CA5A: variants seen among roughly 807,000 people sequenced by gnomAD.
The protein encoded by CA5A is carbonic anhydrase 5A, also known as carbonic anhydrase 5A, mitochondrial.
CA5A carries 28 observed loss-of-function variants against 37.1 expected under a neutral mutation model. The observed-to-expected ratio is 0.75, with a 90% CI of 0.56 to 1.03. The LOEUF (loss-of-function observed/expected upper bound fraction) is 1.03, where lower values mean the gene tolerates loss of function less well. CA5A is among the 50% of genes least tolerant of loss of function. The pLI is 0.00. For synonymous variants in CA5A, 171 were observed against 158.4 expected (o/e 1.08, Z -0.60); for missense variants, 444 against 399.9 (o/e 1.11, Z -0.94).
intron 5 of CA5A, among the ~76,000 whole-genome samples, chr16:87,892,738 A>G (rs1367886517): frequency 1.5e-5 from 2 of 135,008 alleles, no homozygotes; most frequent in Admixed American, 8.1e-5. Context: ...CAATGGTGTG[A>G]TCTTGGCTCA....
chr16:87,921,484 A>G (rs938968572), intron 2 of CA5A, among the ~76,000 whole-genome samples: 1 of 152,198 alleles, frequency 6.6e-6, no homozygotes, highest in African/African-American at 2.4e-5. Flanking sequence ...AATCTCTTTA[A>G]ATACGTCCTA....
chr16:87,904,818 G>A lies in CA5A; in HGVS notation c.427C>T (p.His143Tyr). Residue 143 changes from histidine to tyrosine, a missense_variant, in exon 3 of 7, where the codon CAC (histidine) becomes TAC (tyrosine). Transcript: ENST00000649794. ...GGGTACGCGTGGCCGTCCACTGTGT[G>A]CTCTGAGCCCCCCTCGTTCACTGCT... ...WGAVNEGGSE[H>Y]TVDGHAYPAE... 9 of 1,612,290 alleles carry A rather than the reference G, an allele frequency of 5.6e-6. No homozygotes were observed. The highest frequency in any genetic ancestry group is 7.6e-6 in the Non-Finnish European group (9 of 1,178,372).
chr16:87,934,781 G>A (rs2056449061), intron 1 of CA5A, among the ~76,000 whole-genome samples: 1 of 152,148 alleles, frequency 6.6e-6, no homozygotes, highest in Non-Finnish European at 1.5e-5. Context: ...CCAACATGGC[G>A]AAATCCTATC....
chr16:87,908,282 C>G (rs1351891842), intron 2 of CA5A, among the ~76,000 whole-genome samples: 1 of 152,192 alleles, frequency 6.6e-6, no homozygotes, highest in African/African-American at 2.4e-5. Flanking sequence ...CCTCTCTGAG[C>G]CTAAGCCTCT....
intron 2 of CA5A, chr16:87,923,676 GAATTT>G: frequency 1.0e-6 from 1 of 985,336 alleles, no homozygotes; most frequent in Non-Finnish European, 1.2e-6. Flanking sequence ...TTTGCCTTGG[GAATTT>G]ATTTTGTAAA....
At chr16:87,935,837 T>A (rs1332574397) in intron 1 of CA5A, among the ~76,000 whole-genome samples, 1 of 150,254 alleles carries the variant, frequency 6.7e-6, no homozygotes, top group African/African-American at 2.5e-5. Context: ...GATCATGCCA[T>A]TGCACTCTAG....
At chr16:87,910,065 G>T (rs896197142) in intron 2 of CA5A, among the ~76,000 whole-genome samples, 1 of 150,930 alleles carries the variant, frequency 6.6e-6, no homozygotes, top group African/African-American at 2.4e-5. Flanking sequence ...CACAACGCTT[G>T]ACGTAAAGGA....
At chr16:87,917,938 G>A (rs1206456728) in intron 2 of CA5A, among the ~76,000 whole-genome samples, 8 of 152,192 alleles carry the variant, frequency 5.3e-5, no homozygotes, top group Admixed American at 2.0e-4. Context: ...TGCTCACATC[G>A]TTTCCTCTCA....
chr16:87,929,677 C>T (rs1365262825), intron 1 of CA5A, among the ~76,000 whole-genome samples: 2 of 151,558 alleles, frequency 1.3e-5, no homozygotes, highest in African/African-American at 4.8e-5. Flanking sequence ...TCGAGACCAT[C>T]CTGGCTAACA....
rs1348311996 is a variant in CA5A, at chr16:87,923,369, G to C, written c.340+3379C>G. 1.7e-5 allele frequency: 3 copies of C among 176,768 alleles called. No homozygotes were observed. In the South Asian group the frequency reaches 5.6e-4, roughly 33 times the overall value. The allele number at this position is 176,768 out of a possible 1,614,324, so 10.9% of individuals were successfully genotyped here. A position where few individuals can be genotyped will look rare whatever the true frequency, so the allele number is the denominator to read the frequency against. ...AACCTGGCTAATTTTTGTATTTTTA[G>C]TACAGATGGGGTTTCACCATGTTGG... On this transcript the variant is annotated intron_variant, in intron 2 of 6. Coordinates refer to ENST00000649794, the MANE Select transcript of CA5A (RefSeq NM_001739.2).
chr16:87,913,418 T>C (rs2056081115), intron 2 of CA5A, among the ~76,000 whole-genome samples: 1 of 151,134 alleles, frequency 6.6e-6, no homozygotes, highest in African/African-American at 2.5e-5. Context: ...TCCTCCCCTC[T>C]CTGCCTCCTG....
intron 2 of CA5A, among the ~76,000 whole-genome samples, chr16:87,917,415 T>G (rs1208386093): frequency 6.6e-6 from 1 of 152,216 alleles, no homozygotes; most frequent in Admixed American, 6.5e-5. Context: ...AGGTAAACTT[T>G]GGAAGCTGTT....
Position 87,909,672 on chromosome 16 carries a change from T to A in CA5A, c.341-4768A>T, listed in dbSNP as rs547080115. Among the ~76,000 whole-genome samples the A allele has an allele frequency of 2.6e-5, 4 of 152,330 alleles. No homozygotes were observed. The East Asian group carries it at 7.7e-4, about 29-fold the overall frequency. ...GCTCCTCTTCAGCATCAGTCTAGTG[T>A]GGGATTCATACACCTTGAGCCTCTT... On this transcript the variant is annotated intron_variant, in intron 2 of 6. Coordinates refer to ENST00000649794, the MANE Select transcript of CA5A (RefSeq NM_001739.2).
At chr16:87,901,531 A>G (rs1309749333) in intron 5 of CA5A, among the ~76,000 whole-genome samples, 1 of 152,050 alleles carries the variant, frequency 6.6e-6, no homozygotes. Flanking sequence ...TTCCTTGCAA[A>G]TGAATCGCTG....
In CA5A at chr16:87,933,244, A is replaced by T. The variant is rs1397215785; in HGVS notation, c.142+3065T>A. On this transcript the variant is annotated intron_variant, in intron 1 of 6. Transcript: ENST00000649794. ...AATCTTTGATTTCTAGGGTTTGCCA[A>T]TGACTGTGGTGTAAATACTTTCACC... is the stretch of plus-strand genomic sequence containing the variant. Among the ~76,000 whole-genome samples the T allele has an allele frequency of 2.0e-5, 3 of 152,262 alleles. No individual in the cohort carries two copies. The South Asian group carries it at 6.2e-4, about 32-fold the overall frequency.
intron 2 of CA5A, among the ~76,000 whole-genome samples, chr16:87,922,654 AG>A (rs2056247115): frequency 6.6e-6 from 1 of 152,250 alleles, no homozygotes; most frequent in Admixed American, 6.5e-5. Context: ...GCTGGGCTTG[AG>A]CCAGAGGCCC....
intron 1 of CA5A, among the ~76,000 whole-genome samples, chr16:87,932,744 G>A (rs2056424383): frequency 6.6e-6 from 1 of 151,916 alleles, no homozygotes; most frequent in African/African-American, 2.4e-5. Context: ...ATTCACACGG[G>A]CGCAGTCTGG....
chr16:87,911,871 C>A lies in CA5A; in HGVS notation c.341-6967G>T, dbSNP rs2056057131. 1.3e-5 allele frequency among the ~76,000 whole-genome samples: 2 copies of A among 152,186 alleles called. No individual in the cohort carries two copies. The highest frequency in any genetic ancestry group is 2.9e-5 in the Non-Finnish European group (2 of 68,046). On this transcript the variant is annotated intron_variant, in intron 2 of 6. Transcript: ENST00000649794. This position sits in a 1 kb window ranked among gnomAD's most constrained non-coding sequence, Gnocchi z 4.6. ...GTTTATAAAAGGATAATGATGCCTACTTCAGGGGCCCATGGCAAGGATTGA... is the reference window on the plus strand; with the variant it reads ...GTTTATAAAAGGATAATGATGCCTAATTCAGGGGCCCATGGCAAGGATTGA...
downstream of CA5A, chr16:87,887,147 C>T (rs2055654915): frequency 6.6e-6 from 1 of 152,248 alleles, no homozygotes. Flanking sequence ...AGGTGGTCTT[C>T]CCGCCTCGGC....
Sources: allele counts gnomAD v4.1 joint callset (sites outside exome capture counted in the v4.1 genomes callset), GRCh38; gene constraint gnomAD v4.1.1; non-coding constraint Gnocchi (gnomAD v3.1); transcripts MANE v1.5; gene names NCBI Gene and HGNC (gene_info 2026-07-23, HGNC 2026-07-21).